Variants in RORA observed in about 807,000 individuals in gnomAD.
RORA encodes nuclear receptor ROR-alpha.
A neutral mutation model predicts 69.5 loss-of-function variants in RORA; 7 were observed. The observed-to-expected ratio is 0.10, with a 90% confidence interval of 0.06 to 0.19. RORA has a LOEUF of 0.19. Among genes scored for constraint, RORA ranks in the 10% least tolerant of loss-of-function variants. The pLI, the probability that RORA is intolerant of heterozygous loss-of-function variation, is 1.00. For missense variants in RORA, 457 were observed against 663.0 expected, an observed-to-expected ratio of 0.69 and a Z score of 3.41; for synonymous variants, 261 against 240.8, an observed-to-expected ratio of 1.08 and a Z score of -0.78.
intron 1 of RORA, among the ~76,000 whole-genome samples, chr15:60,942,546 C>A (rs919569398): frequency 5.3e-5 from 8 of 152,172 alleles, no homozygotes; most frequent in African/African-American, 1.9e-4. Flanking sequence ...AGGGATGTAG[C>A]CTCAGGCACA....
intron 2 of RORA, among the ~76,000 whole-genome samples, chr15:60,569,513 CAATACA>C (rs944477220): frequency 6.6e-6 from 1 of 152,160 alleles, no homozygotes; most frequent in African/African-American, 2.4e-5. Flanking sequence ...AGTAGATGCT[CAATACA>C]GGCTAGCTAA....
At chr15:60,964,385 G>A (rs905549146) in intron 1 of RORA, among the ~76,000 whole-genome samples, 6 of 152,188 alleles carry the variant, frequency 3.9e-5, no homozygotes, top group Admixed American at 3.9e-4. Flanking sequence ...GGTATGGCTG[G>A]TGGAAGGTTG....
At chr15:60,528,313 G>A (rs4496070) in intron 3 of RORA, 152,409 of 152,414 alleles carry the variant, frequency 1, 76,202 homozygotes, top group Non-Finnish European at 1. Flanking sequence ...CTTCCTCTCA[G>A]CTCAGCCTCC....
intron 1 of RORA, among the ~76,000 whole-genome samples, chr15:60,703,289 C>T (rs905072582): frequency 2.6e-5 from 4 of 152,322 alleles, no homozygotes; most frequent in South Asian, 2.1e-4. Context: ...TTACCCTCAA[C>T]GCCCATGGAA....
chr15:60,696,634 C>T (rs972313237), intron 1 of RORA, among the ~76,000 whole-genome samples: 2 of 152,156 alleles, frequency 1.3e-5, no homozygotes, highest in African/African-American at 4.8e-5. Context: ...ATATTGGGTG[C>T]TTCTGCTTAC....
chr15:60,615,142 C>T (rs1398659031), intron 2 of RORA: 8 of 1,325,064 alleles, frequency 6.0e-6, no homozygotes, highest in South Asian at 4.4e-5. Context: ...AATGCTCTCT[C>T]GTGTTTCCTC....
At chr15:61,094,662 G>T (rs1383672696) in intron 1 of RORA, among the ~76,000 whole-genome samples, 1 of 152,202 alleles carries the variant, frequency 6.6e-6, no homozygotes, top group African/African-American at 2.4e-5. Flanking sequence ...AGCACAGATA[G>T]GAAAGATCAG....
intron 2 of RORA, among the ~76,000 whole-genome samples, chr15:60,585,570 C>T (rs1262375752): frequency 6.6e-6 from 1 of 152,176 alleles, no homozygotes; most frequent in East Asian, 1.9e-4. Context: ...CTGAATTTAG[C>T]TCATCAAATG....
chr15:60,862,533 A>C (rs1264612949), intron 1 of RORA, among the ~76,000 whole-genome samples: 3 of 152,240 alleles, frequency 2.0e-5, no homozygotes. Flanking sequence ...TGTTGAAAGC[A>C]ATATGGCAGA....
chr15:61,079,569 A>G (rs1254614383), intron 1 of RORA, among the ~76,000 whole-genome samples: 2 of 152,242 alleles, frequency 1.3e-5, no homozygotes, highest in Non-Finnish European at 1.5e-5. Context: ...ACTCAGTTTC[A>G]GAGGAATTAG....
In RORA at chr15:60,879,412, G is replaced by A. The variant is rs545081409; in HGVS notation, c.167-200726C>T. 2.0e-5 allele frequency among the ~76,000 whole-genome samples: 3 copies of A among 151,996 alleles called. No individual in the cohort carries two copies. The South Asian group carries it at 6.2e-4, about 32-fold the overall frequency. On this transcript the variant is annotated intron_variant, in intron 1 of 10. Coordinates refer to ENST00000335670, the MANE Select transcript of RORA (RefSeq NM_134261.3). The stretch of plus-strand genomic sequence containing the variant: ...GAGTATATGAGATAATATATTTAAG[G>A]CCTTTAACAGAGCCAGGCACACAAT...
chr15:61,008,824 G>A (rs146267465), intron 1 of RORA, among the ~76,000 whole-genome samples: 1 of 152,234 alleles, frequency 6.6e-6, no homozygotes, highest in East Asian at 1.9e-4. Flanking sequence ...TAATGATGTT[G>A]ATGTAGAAAA....
intron 1 of RORA, among the ~76,000 whole-genome samples, chr15:61,042,069 A>G (rs1445825144): frequency 1.3e-5 from 2 of 152,136 alleles, no homozygotes; most frequent in Admixed American, 6.5e-5. Flanking sequence ...CATTCTCTAC[A>G]ATAGCGTCTA....
intron 1 of RORA, among the ~76,000 whole-genome samples, chr15:61,168,420 A>AAATAGTATTTTTACAAAATTACAC (rs2079557004): frequency 6.6e-6 from 1 of 151,982 alleles, no homozygotes; most frequent in South Asian, 2.1e-4. Context: ...CAAAATTACA[A>AAATAGTATTTTTACAAAATTACAC]AATAGTAATT....
chr15:60,514,219 T>C (rs910185198), intron 4 of RORA, among the ~76,000 whole-genome samples: 1 of 152,202 alleles, frequency 6.6e-6, no homozygotes, highest in Non-Finnish European at 1.5e-5. Flanking sequence ...GACTTACTAG[T>C]GTAAAGCAAG....
intron 1 of RORA, among the ~76,000 whole-genome samples, chr15:60,838,298 G>T (rs1043833164): frequency 2.0e-5 from 3 of 152,162 alleles, no homozygotes; most frequent in Non-Finnish European, 4.4e-5. Context: ...CTGGGCTGGG[G>T]ATTTTACTCT....
intron 3 of RORA, among the ~76,000 whole-genome samples, chr15:60,518,083 C>G (rs1368029300): frequency 6.6e-6 from 1 of 152,110 alleles, no homozygotes; most frequent in African/African-American, 2.4e-5. Context: ...AGGCTGGTCT[C>G]GAACTCCTGG....
chr15:60,907,868 A>G (rs1397711315), intron 1 of RORA, among the ~76,000 whole-genome samples: 1 of 152,168 alleles, frequency 6.6e-6, no homozygotes, highest in Non-Finnish European at 1.5e-5. Flanking sequence ...TTAGAACTCA[A>G]ACACTAATTT....
intron 1 of RORA, among the ~76,000 whole-genome samples, chr15:60,822,756 G>A (rs1258899555): frequency 1.3e-5 from 2 of 152,146 alleles, no homozygotes; most frequent in Non-Finnish European, 2.9e-5. Context: ...CCAGGGTCAG[G>A]CCCGGACAAA....
Sources: allele counts gnomAD v4.1 joint callset (sites outside exome capture counted in the v4.1 genomes callset), GRCh38; gene constraint gnomAD v4.1.1; transcripts MANE v1.5; gene names NCBI Gene and HGNC (gene_info 2026-07-23, HGNC 2026-07-21).